VPS13C: variants seen among roughly 807,000 people sequenced by gnomAD.
VPS13C encodes the protein vacuolar protein sorting 13 homolog C.
In VPS13C, 358 loss-of-function variants were observed where a neutral mutation model predicts 456.8. That is an observed-to-expected ratio of 0.78 (90% CI 0.72 to 0.86). VPS13C has a LOEUF of 0.86. VPS13C is among the 40% of genes least tolerant of loss of function. The pLI, the probability that VPS13C is intolerant of heterozygous loss-of-function variation, is 0.00. For missense variants in VPS13C, 4,818 were observed against 4,385.4 expected (o/e 1.10, Z -2.79); for synonymous variants, 1,578 against 1,486.7 (o/e 1.06, Z -1.41).
chr15:62,013,789 A>C (rs2047128505), intron 10 of VPS13C, 144 bp downstream of exon 10: 3 of 558,298 alleles, frequency 5.4e-6, no homozygotes, highest in Admixed American at 3.1e-5. Context: ...ACAGAGGGTC[A>C]CATAGTAAGT....
Position 61,958,727 on chromosome 15 carries a change from TTA to T in VPS13C, c.4057-13_4057-12del. ...TTGATTTAGACTAACCTGTAAAATA[TTA>T]TGTTAAAAAAAAAACTATATTACGT... On this transcript the variant is annotated splice_polypyrimidine_tract_variant and intron_variant, in intron 36 of 84. Coordinates refer to ENST00000644861, the MANE Select transcript of VPS13C (RefSeq NM_020821.3). The T allele has an allele frequency of 7.2e-7, 1 of 1,382,270 alleles. No individual in the cohort carries two copies. 85.6% of individuals were successfully genotyped at this position (1,382,270 alleles called of 1,614,324 possible).
chr15:61,982,727 A>G (rs1314263181), intron 20 of VPS13C, among the ~76,000 whole-genome samples, 154 bp from the exon 21 acceptor site: 1 of 152,218 alleles, frequency 6.6e-6, no homozygotes, highest in Non-Finnish European at 1.5e-5. Flanking sequence ...GGAGTAAAAG[A>G]GAACCTGGAG....
At chr15:61,938,879 G>T (rs2044320983) in intron 47 of VPS13C, among the ~76,000 whole-genome samples, 1 of 151,954 alleles carries the variant, frequency 6.6e-6, no homozygotes. Context: ...TTATTTCCAT[G>T]AATACTTTTC....
chr15:61,917,448 A>T lies in VPS13C; in HGVS notation c.7948T>A (p.Tyr2650Asn). The T allele has an allele frequency of 6.2e-7, 1 of 1,614,066 alleles. No individual in the cohort carries two copies. The highest frequency in any genetic ancestry group is 8.5e-7 in the Non-Finnish European group (1 of 1,179,922). Reference protein sequence around the residue: ...NTVALPDELSYICTHGEDWDV... With the variant: ...NTVALPDELSNICTHGEDWDV... ...CAGTCTTCCCCATGTGTACATATGT[A>T]GCTCAATTCATCAGGCAGAGCAACT... Residue 2650 changes from tyrosine to asparagine, a missense_variant, in exon 60 of 85, where the codon TAC becomes AAC. Physicochemically the swap from Tyr to Asn is moderately radical, Grantham distance 143. Transcript: ENST00000644861.
intron 16 of VPS13C, among the ~76,000 whole-genome samples, chr15:61,993,007 T>C (rs2046272225): frequency 6.6e-6 from 1 of 152,132 alleles, no homozygotes; most frequent in Non-Finnish European, 1.5e-5. Flanking sequence ...GTTTCACAAG[T>C]AGATAAAACC....
intron 47 of VPS13C, among the ~76,000 whole-genome samples, chr15:61,938,260 T>C (rs1055962015): frequency 2.8e-5 from 3 of 106,634 alleles, no homozygotes; most frequent in Admixed American, 1.1e-4. Flanking sequence ...CTCTTTCACT[T>C]TGCTGTGGGG....
chr15:61,970,483 T>C (rs1281004776), intron 27 of VPS13C, among the ~76,000 whole-genome samples: 2 of 152,096 alleles, frequency 1.3e-5, no homozygotes, highest in Non-Finnish European at 2.9e-5. Context: ...ATTACATACT[T>C]AGGTAACACT....
intron 35 of VPS13C, 21 bp from the exon 36 acceptor site, chr15:61,959,616 A>G: frequency 1.2e-6 from 2 of 1,607,128 alleles, no homozygotes; most frequent in Non-Finnish European, 1.7e-6. Flanking sequence ...CAGAAATGTT[A>G]CATAATGCAT....
Position 61,967,414 on chromosome 15 carries a change from G to C in VPS13C, c.2945C>G (p.Ser982Cys). ...AAGATCTAATCCAGGTTTGTCAGAA[G>C]AGCTAATCAAGTGAAGGGGCTTCCT... ...SKRKPLHLISSSDKPGLDLLK... is the reference protein window; with the variant it reads ...SKRKPLHLISCSDKPGLDLLK... Residue 982 changes from serine to cysteine, a missense_variant, in exon 29 of 85, where the codon TCT becomes TGT. Physicochemically the swap from Ser to Cys is moderately radical, Grantham distance 112. Transcript: ENST00000644861. The C allele has an allele frequency of 5.0e-6, 8 of 1,604,856 alleles. No individual in the cohort carries two copies. Among genetic ancestry groups the C allele is most frequent in the Non-Finnish European group, 6.8e-6 (8 of 1,175,944 alleles).
chr15:62,017,964 A>G (rs1361556429), intron 9 of VPS13C, among the ~76,000 whole-genome samples: 6 of 152,076 alleles, frequency 3.9e-5, no homozygotes. Context: ...TATTTCATTG[A>G]GCAGTGGTTT....
At position 61,990,807 on chromosome 15, in the gene VPS13C, T is replaced by A. The variant is rs529927369; in HGVS notation, c.1578+193A>T. On this transcript the variant is annotated intron_variant, in intron 18 of 84. Coordinates refer to ENST00000644861, the MANE Select transcript of VPS13C (RefSeq NM_020821.3). ...GCCTGGGTGACAGAGCGAGACTCCA[T>A]CTCAAAAAATCAAATAAAATAAAGT... Among the ~76,000 whole-genome samples the A allele has an allele frequency of 5.9e-5, 9 of 152,236 alleles. No homozygotes were observed. The East Asian group carries it at 1.7e-3, about 29-fold the overall frequency.
chr15:61,889,420 C>T (rs1458915304), intron 67 of VPS13C, among the ~76,000 whole-genome samples: 1 of 152,026 alleles, frequency 6.6e-6, no homozygotes, highest in African/African-American at 2.4e-5. Flanking sequence ...TATCTATTTA[C>T]TTTTCTCCTT....
At chr15:61,888,315 T>C (rs72747869) in intron 67 of VPS13C, among the ~76,000 whole-genome samples, 10,878 of 152,238 alleles carry the variant, frequency 0.071, 609 homozygotes, top group East Asian at 0.21. Flanking sequence ...CATACTTTTA[T>C]CATATGATCC....
chr15:61,967,383 T>C lies in VPS13C; in HGVS notation c.2976A>G (p.Lys992=). ...SSDKPGLDLL[K]VEYIKADKNG... is the part of the protein sequence containing the mutation. ...TAGCCCTTACCTTAATATACTCCACTTTCAAAAGATCTAATCCAGGTTTGT... is the reference window on the plus strand; with the variant it reads ...TAGCCCTTACCTTAATATACTCCACCTTCAAAAGATCTAATCCAGGTTTGT... Residue 992 remains lysine, a synonymous_variant, in exon 29 of 85, where the codon AAA becomes AAG. Transcript: ENST00000644861. 1.9e-6 allele frequency: 3 copies of C among 1,607,100 alleles called. No homozygotes were observed. Among genetic ancestry groups the C allele is most frequent in the Non-Finnish European group, 2.5e-6 (3 of 1,176,496 alleles).
At chr15:61,921,912 T>C (rs926872771) in intron 55 of VPS13C, 35 bp downstream of exon 55, 20 of 1,586,910 alleles carry the variant, frequency 1.3e-5, no homozygotes, top group Admixed American at 1.2e-4. Context: ...ATGCATAGTA[T>C]CATTCTATCC....
chr15:61,917,548 ATG>A lies in VPS13C; in HGVS notation c.7846_7847del (p.His2616Ter). 1 of 1,614,008 alleles carries A rather than the reference ATG, an allele frequency of 6.2e-7. No homozygotes were observed. Among genetic ancestry groups the A allele is most frequent in the Admixed American group, 1.7e-5 (1 of 60,016 alleles). On this transcript the variant is annotated frameshift_variant, in exon 60 of 85. Coordinates refer to ENST00000644861, the MANE Select transcript of VPS13C (RefSeq NM_020821.3). LOFTEE classifies it high-confidence loss of function. Reference protein sequence around the residue: ...TTYISWKEELHRSREVRCMLQ... With the variant: ...TTYISWKEELXRSREVRCMLQ... ...ACATGCATCTGACTTCCCTGCTCCT[ATG>A]AAGTTCTTCCTTCCAGGAAATATAA...
Position 62,001,442 on chromosome 15 carries a change from A to G in VPS13C, c.1291-816T>C, listed in dbSNP as rs145324303. 9.8e-4 allele frequency among the ~76,000 whole-genome samples: 150 copies of G among 152,358 alleles called. No individual in the cohort carries two copies. The Middle Eastern group carries it at 0.01, about 10-fold the overall frequency. ...AAATAGTTCTATAACTGAAATCATA[A>G]GACATTAAGCAAATTATGTATCCAG... On this transcript the variant is annotated intron_variant, in intron 15 of 84. Coordinates refer to ENST00000644861, the MANE Select transcript of VPS13C (RefSeq NM_020821.3).
At chr15:62,052,672 C>CAAAAAAAAAAAAAAAAAAAAAGAAA in intron 1 of VPS13C, among the ~76,000 whole-genome samples, 1 of 70,542 alleles carries the variant, frequency 1.4e-5, no homozygotes, top group Non-Finnish European at 2.7e-5. Flanking sequence ...GACTCCGTCT[C>CAAAAAAAAAAAAAAAAAAAAAGAAA]AAAAAAAAAA....
At chr15:61,880,162 A>G (rs1236678835) in intron 73 of VPS13C, among the ~76,000 whole-genome samples, 1 of 152,092 alleles carries the variant, frequency 6.6e-6, no homozygotes, top group Admixed American at 6.6e-5. Flanking sequence ...AAGGTATCCA[A>G]TTTTCCACTC....
Sources: allele counts gnomAD v4.1 joint callset (sites outside exome capture counted in the v4.1 genomes callset), GRCh38; gene constraint gnomAD v4.1.1; transcripts MANE v1.5; gene names NCBI Gene and HGNC (gene_info 2026-07-23, HGNC 2026-07-21).